IQSEC2: variants seen among roughly 807,000 people sequenced by gnomAD.
IQSEC2 encodes IQ motif and Sec7 domain ArfGEF 2.
IQSEC2 carries 6 observed loss-of-function variants against 74.6 expected under a neutral mutation model. That is an observed-to-expected ratio of 0.08 (90% CI 0.04 to 0.16). The LOEUF (loss-of-function observed/expected upper bound fraction) is 0.16. Among genes scored for constraint, IQSEC2 ranks in the 10% least tolerant of loss-of-function variants. IQSEC2 has a pLI of 1.00. For synonymous variants in IQSEC2, 494 were observed against 544.5 expected (o/e 0.91, Z 1.29); for missense variants, 734 against 1,306.2 (o/e 0.56, Z 6.75).
At chrX:53,319,198 AG>A (rs2146543135) in intron 1 of IQSEC2, among the ~76,000 whole-genome samples, 1 of 112,122 alleles carries the variant, frequency 8.9e-6, no homozygotes, top group South Asian at 3.7e-4. Flanking sequence ...CCAGCCTCCA[AG>A]AGACACTCCA....
intron 2 of IQSEC2, chrX:53,266,451 CT>C: frequency 1.3e-6 from 1 of 756,521 alleles, no homozygotes; most frequent in Non-Finnish European, 1.6e-6. Context: ...GGGGTGAGGC[CT>C]TCAAGCAGTG....
At chrX:53,296,381 C>T (rs1261602769) in intron 1 of IQSEC2, among the ~76,000 whole-genome samples, 1 of 110,876 alleles carries the variant, frequency 9.0e-6, no homozygotes, top group Non-Finnish European at 1.9e-5. Flanking sequence ...CAACTATGAA[C>T]GGGGCTCCTC....
In IQSEC2 at chrX:53,250,772, T is replaced by G; in HGVS notation, c.1804A>C (p.Ser602Arg). 1 of 1,210,464 alleles carries G rather than the reference T, an allele frequency of 8.3e-7. No individual in the cohort carries two copies. Among genetic ancestry groups the G allele is most frequent in the East Asian group, 3.0e-5 (1 of 33,785 alleles). ...GAGCGGTCACTCAGGTCCACGGAGC[T>G]GTCACTAGGAGGCTCAATGGTAAGC... ...PLLTIEPPSD[S>R]SVDLSDRSDR... Residue 602 changes from serine (S) to arginine (R), a missense_variant, in exon 5 of 15, where the codon AGC becomes CGC. Around this residue, in one of 12 missense-constraint regions of IQSEC2, gnomAD observed 204 missense variants for 305.4 expected, o/e 0.67. Transcript: ENST00000642864.
At chrX:53,293,709 C>T (rs927700799) in intron 1 of IQSEC2, among the ~76,000 whole-genome samples, 2 of 111,541 alleles carry the variant, frequency 1.8e-5, no homozygotes, top group Non-Finnish European at 3.8e-5. Context: ...TGCTGTCTAC[C>T]AGGCCCTGCC....
chrX:53,275,149 T>TTTTATGGC (rs1556869280), intron 2 of IQSEC2, among the ~76,000 whole-genome samples: 57 of 111,266 alleles, frequency 5.1e-4, no homozygotes, highest in African/African-American at 1.8e-3. Context: ...TTTTTTCTGG[T>TTTTATGGC]ACTTTTATGG....
chrX:53,248,125 G>T lies in IQSEC2; in HGVS notation c.2571C>A (p.Ile857=), dbSNP rs146979083. The change falls in exon 7 of 15, where the codon ATC becomes ATA. Residue 857 remains isoleucine, a synonymous_variant. Coordinates refer to ENST00000642864, the MANE Select transcript of IQSEC2 (RefSeq NM_001111125.3). ...QGEAQKVERL[I]EAFSQRYCVC... ...GGAGGTAGGCACACCTGAAGGCTTC[G>T]ATGAGTCGCTCCACTTTCTGGGCCT... 1.0e-3 allele frequency: 1,218 copies of T among 1,209,385 alleles called. 5 individuals carry two copies. Among genetic ancestry groups the T allele is most frequent in the Middle Eastern group, 4.1e-3 (18 of 4,346 alleles).
chrX:53,250,272 C>T lies in IQSEC2; in HGVS notation c.2297+7G>A, dbSNP rs1556862951. ...GGGGTAAGCAGGCTAGAACGGGGAG[C>T]ACGCACTTGTTGAAGAGGTTGAGGC... is the stretch of plus-strand genomic sequence containing the variant. On this transcript the variant is annotated splice_region_variant and intron_variant, in intron 5 of 14. Coordinates refer to ENST00000642864, the MANE Select transcript of IQSEC2 (RefSeq NM_001111125.3). The T allele has an allele frequency of 8.3e-7, 1 of 1,210,240 alleles. No homozygotes were observed. Among genetic ancestry groups the T allele is most frequent in the Non-Finnish European group, 1.1e-6 (1 of 895,110 alleles).
intron 1 of IQSEC2, among the ~76,000 whole-genome samples, chrX:53,316,142 A>C (rs932465466): frequency 8.9e-6 from 1 of 112,182 alleles, no homozygotes. Context: ...GCAAGCGCTA[A>C]GAGTGCAGTG....
At chrX:53,279,846 A>G in intron 2 of IQSEC2, 1 of 217,678 alleles carries the variant, frequency 4.6e-6, no homozygotes, top group East Asian at 1.2e-4. Context: ...AGGAAGGAAG[A>G]TAAGGGAGAA....
intron 10 of IQSEC2, 67 bp downstream of exon 10, chrX:53,241,717 G>T (rs1343249102): frequency 4.2e-6 from 5 of 1,182,968 alleles, no homozygotes; most frequent in Admixed American, 2.2e-5. Context: ...CATCAATATG[G>T]TTCACACCAG....
At chrX:53,298,072 G>A (rs1556874736) in intron 1 of IQSEC2, among the ~76,000 whole-genome samples, 1 of 111,906 alleles carries the variant, frequency 8.9e-6, no homozygotes, top group African/African-American at 3.3e-5. Context: ...GGAGGTTGCA[G>A]TGAGCTAAGA....
At chrX:53,311,733 T>A (rs1380651395) in intron 1 of IQSEC2, among the ~76,000 whole-genome samples, 1 of 111,424 alleles carries the variant, frequency 9.0e-6, no homozygotes, top group Non-Finnish European at 1.9e-5. Flanking sequence ...CTGGCCAATA[T>A]GGCAAAACCC....
chrX:53,259,188 CAAAAAAAAA>C (rs56394985), intron 2 of IQSEC2, among the ~76,000 whole-genome samples: 6 of 31,686 alleles, frequency 1.9e-4, no homozygotes, highest in Non-Finnish European at 2.8e-4. Context: ...AGACTGTCTC[CAAAAAAAAA>C]AAAAAAAAAA....
intron 2 of IQSEC2, among the ~76,000 whole-genome samples, chrX:53,264,134 G>C (rs1282778131): frequency 1.8e-5 from 2 of 111,930 alleles, no homozygotes; most frequent in Non-Finnish European, 3.8e-5. Context: ...GGTACATAAA[G>C]TCACCACTTC....
At chrX:53,292,855 A>G (rs1287845306) in intron 1 of IQSEC2, among the ~76,000 whole-genome samples, 1 of 111,643 alleles carries the variant, frequency 9.0e-6, no homozygotes, top group African/African-American at 3.3e-5. Flanking sequence ...GCTGGTGTTC[A>G]CTGCGTGCAG....
At chrX:53,294,869 C>G (rs1262156145) in intron 1 of IQSEC2, among the ~76,000 whole-genome samples, 1 of 111,432 alleles carries the variant, frequency 9.0e-6, no homozygotes, top group Non-Finnish European at 1.9e-5. Context: ...GTCGCCCAGG[C>G]TGGAGTGCAA....
At chrX:53,277,752 C>A (rs1368997409) in intron 2 of IQSEC2, among the ~76,000 whole-genome samples, 1 of 107,005 alleles carries the variant, frequency 9.3e-6, no homozygotes, top group Non-Finnish European at 1.9e-5. Context: ...CTCACTGCAA[C>A]CTCTGCCTCC....
At chrX:53,261,656 C>CCA (rs63636261) in intron 2 of IQSEC2, among the ~76,000 whole-genome samples, 2 of 108,733 alleles carry the variant, frequency 1.8e-5, no homozygotes, top group Non-Finnish European at 3.8e-5. Context: ...ACGGACACAA[C>CCA]CACACACACA....
intron 5 of IQSEC2, among the ~76,000 whole-genome samples, chrX:53,249,229 C>T (rs1556862725): frequency 8.9e-6 from 1 of 111,816 alleles, no homozygotes; most frequent in African/African-American, 3.3e-5. Context: ...GGGCTGAGCA[C>T]CTTCCCTCTG....
Sources: gnomAD v4.1 joint callset for allele counts (sites outside exome capture counted in the v4.1 genomes callset) on GRCh38, gnomAD v4.1.1 for gene constraint, gnomAD v4.1.1 regional missense constraint, MANE v1.5 for transcripts, NCBI Gene and HGNC (gene_info 2026-07-23, HGNC 2026-07-21) for gene names.